Variants in CD109 observed in about 807,000 individuals in gnomAD.
CD109 encodes the protein CD109 antigen.
CD109 carries 149 observed loss-of-function variants against 165.8 expected under a neutral mutation model. That is an observed-to-expected ratio of 0.90 (90% confidence interval 0.79 to 1.03). CD109 has a LOEUF of 1.03. Among genes scored for constraint, CD109 ranks in the 50% least tolerant of loss-of-function variants. The pLI is 0.00. For synonymous variants in CD109, 585 were observed against 592.1 expected (o/e 0.99, Z 0.18); for missense variants, 1,712 against 1,677.8 (o/e 1.02, Z -0.36).
intron 23 of CD109, among the ~76,000 whole-genome samples, chr6:73,800,443 GGT>G (rs1182696472): frequency 6.6e-6 from 1 of 152,106 alleles, no homozygotes; most frequent in African/African-American, 2.4e-5. Context: ...TATTGTTGGA[GGT>G]GTGTCTTCAG....
At chr6:73,766,923 C>T (rs745794399) in intron 12 of CD109, 25 bp from the exon 13 acceptor site, 37 of 1,611,420 alleles carry the variant, frequency 2.3e-5, no homozygotes, top group Non-Finnish European at 3.1e-5. Context: ...TTGATATGTA[C>T]ATATTAATTA....
chr6:73,813,565 A>G (rs1278005626), intron 29 of CD109, among the ~76,000 whole-genome samples: 1 of 152,140 alleles, frequency 6.6e-6, no homozygotes, highest in Non-Finnish European at 1.5e-5. Context: ...ATTACAAAGA[A>G]GTTGGTCACT....
intron 4 of CD109, among the ~76,000 whole-genome samples, chr6:73,731,190 G>A (rs1772356017): frequency 6.6e-6 from 1 of 152,162 alleles, no homozygotes; most frequent in Admixed American, 6.5e-5. Flanking sequence ...GGGATTATAG[G>A]CATGTGCCAC....
intron 23 of CD109, among the ~76,000 whole-genome samples, chr6:73,802,058 G>A (rs1346636828): frequency 6.6e-6 from 1 of 152,014 alleles, no homozygotes; most frequent in Non-Finnish European, 1.5e-5. Flanking sequence ...TTTGGCCTAT[G>A]TTTTCTCACA....
chr6:73,704,381 C>G (rs1046634786), intron 2 of CD109, among the ~76,000 whole-genome samples: 3 of 152,140 alleles, frequency 2.0e-5, no homozygotes, highest in Non-Finnish European at 4.4e-5. Context: ...TCCTCGTGGA[C>G]TTTCATGTTT....
At chr6:73,724,730 C>G (rs1176210459) in intron 3 of CD109, among the ~76,000 whole-genome samples, 1 of 151,676 alleles carries the variant, frequency 6.6e-6, no homozygotes, top group Non-Finnish European at 1.5e-5. Context: ...CTTCTCACCT[C>G]AGCCTCCCGA....
rs189143471 is a variant in CD109 at position 73,824,871 on chromosome 6, T to C, written c.*1238T>C. On this transcript the variant is annotated 3_prime_UTR_variant, in exon 33 of 33. Transcript: ENST00000287097. ...TTGCCTTCTAAATATACTGAAATGA[T>C]TTAGATATGTGTCAACAATTAATGA... 6.6e-6 allele frequency: 1 copy of C among 152,314 alleles called. No homozygotes were observed. The highest frequency in any genetic ancestry group is 1.9e-4 in the East Asian group (1 of 5,186). 9.4% of individuals were successfully genotyped at this position (152,314 alleles called of 1,614,324 possible).
chr6:73,742,754 T>C (rs536960273), intron 5 of CD109, among the ~76,000 whole-genome samples: 4 of 152,350 alleles, frequency 2.6e-5, no homozygotes, highest in Non-Finnish European at 5.9e-5. Flanking sequence ...CACCTGAGGC[T>C]GCAGCTGGTT....
At chr6:73,784,844 C>T (rs571141169) in intron 19 of CD109, among the ~76,000 whole-genome samples, 2 of 152,100 alleles carry the variant, frequency 1.3e-5, no homozygotes, top group East Asian at 1.9e-4. Flanking sequence ...TAAATTTAGT[C>T]AGGAAGCACA....
rs1776182861 is a variant in CD109 at position 73,823,731 on chromosome 6, G to T, written c.*98G>T. ...GAATACTGCTTCTATTTTGAAAAAA[G>T]AGTTTTTTTTCTTTCTATGGGGTTG... is the stretch of plus-strand genomic sequence containing the variant. On this transcript the variant is annotated 3_prime_UTR_variant, in exon 33 of 33. Transcript: ENST00000287097. 11 of 1,213,318 alleles carry T rather than the reference G, an allele frequency of 9.1e-6. No homozygotes were observed. The highest frequency in any genetic ancestry group is 1.3e-5 in the Non-Finnish European group (11 of 871,304). The allele number at this position is 1,213,318 out of a possible 1,614,324, so 75.2% of individuals were successfully genotyped here.
chr6:73,771,343 CTA>C lies in CD109; in HGVS notation c.1675-82_1675-81del. On this transcript the variant is annotated intron_variant, in intron 14 of 32. Transcript: ENST00000287097. The stretch of plus-strand genomic sequence containing the variant: ...AGCCAAGGCAAATGTAGAATCTTTG[CTA>C]TATTTTGGGCCAGTGGTCTGCTATT... 6 of 1,020,474 alleles carry C rather than the reference CTA, an allele frequency of 5.9e-6. No individual in the cohort carries two copies. In the South Asian group the frequency reaches 9.1e-5, roughly 16 times the overall value. 63.2% of individuals were successfully genotyped at this position (1,020,474 alleles called of 1,614,324 possible).
At chr6:73,811,450 T>C (rs980917820) in intron 28 of CD109, among the ~76,000 whole-genome samples, 4 of 152,160 alleles carry the variant, frequency 2.6e-5, no homozygotes, top group African/African-American at 9.7e-5. Flanking sequence ...ACGTATGCTA[T>C]TGCATTTACT....
Position 73,696,308 on chromosome 6 carries a change from G to A in CD109, c.74+19G>A, listed in dbSNP as rs1770832117. On this transcript the variant is annotated intron_variant, in intron 1 of 32. Transcript: ENST00000287097. Reference sequence around the variant, plus strand: ...CTCCCGGGTAGGAACGTGGGCGCGCGGGGGGCGCGCGGGCGCGCGGGCCTG... The same window carrying A: ...CTCCCGGGTAGGAACGTGGGCGCGCAGGGGGCGCGCGGGCGCGCGGGCCTG... The A allele has an allele frequency of 1.4e-6, 2 of 1,413,086 alleles. No individual in the cohort carries two copies. The highest frequency in any genetic ancestry group is 1.5e-5 in the African/African-American group (1 of 66,540). The allele number at this position is 1,413,086 out of a possible 1,614,324, so 87.5% of individuals were successfully genotyped here. A position where few individuals can be genotyped will look rare whatever the true frequency, so the allele number is the denominator to read the frequency against.
chr6:73,686,639 A>G, the CD109 span, among the ~76,000 whole-genome samples: 1 of 152,126 alleles, frequency 6.6e-6, no homozygotes, highest in Non-Finnish European at 1.5e-5. Flanking sequence ...TTAAAAATAT[A>G]AATTAAATTA....
At chr6:73,734,942 T>G (rs543277446) in intron 4 of CD109, among the ~76,000 whole-genome samples, 3 of 152,178 alleles carry the variant, frequency 2.0e-5, no homozygotes, top group Non-Finnish European at 2.9e-5. Context: ...TCAAGAGAGA[T>G]AAACTCCAGA....
chr6:73,749,939 G>A (rs757505060), intron 5 of CD109, among the ~76,000 whole-genome samples: 2 of 152,122 alleles, frequency 1.3e-5, no homozygotes, highest in Non-Finnish European at 2.9e-5. Flanking sequence ...GTGATTAGAG[G>A]GAGAGAAACT....
chr6:73,688,895 A>C, the CD109 span, among the ~76,000 whole-genome samples: 5 of 149,430 alleles, frequency 3.3e-5, no homozygotes, highest in Non-Finnish European at 5.9e-5. Flanking sequence ...CAGCTTCCTA[A>C]GTAGCTGGGA....
At chr6:73,740,043 A>G (rs9360705) in intron 5 of CD109, among the ~76,000 whole-genome samples, 1 of 150,792 alleles carries the variant, frequency 6.6e-6, no homozygotes, top group Non-Finnish European at 1.5e-5. Context: ...TAGTTAAAAA[A>G]TTTTTTTTTC....
At chr6:73,746,556 G>A (rs150667494) in intron 5 of CD109, among the ~76,000 whole-genome samples, 41 of 151,428 alleles carry the variant, frequency 2.7e-4, no homozygotes, top group Admixed American at 4.6e-4. Context: ...TTTGTTTATT[G>A]TTTGTTTTTA....
Sources: gnomAD v4.1 joint callset for allele counts (sites outside exome capture counted in the v4.1 genomes callset) on GRCh38, gnomAD v4.1.1 for gene constraint, MANE v1.5 for transcripts, NCBI Gene and HGNC (gene_info 2026-07-23, HGNC 2026-07-21) for gene names.